The following LIMS1 variants were observed in gnomAD, a reference collection of about 807,000 sequenced individuals.
LIMS1 encodes the protein LIM zinc finger domain containing 1.
A neutral mutation model predicts 44.1 loss-of-function variants in LIMS1; 18 were observed. That is an observed-to-expected ratio of 0.41 (90% CI 0.28 to 0.61). The LOEUF (loss-of-function observed/expected upper bound fraction) is 0.61, where lower values mean the gene tolerates loss of function less well. Ranked by LOEUF, LIMS1 falls within the 20% of genes least tolerant of loss-of-function variation. The pLI is 0.32. For missense variants in LIMS1, 201 were observed against 422.0 expected, an observed-to-expected ratio of 0.48 and a Z score of 4.59; for synonymous variants, 93 against 149.1, an observed-to-expected ratio of 0.62 and a Z score of 2.74.
intron 1 of LIMS1, among the ~76,000 whole-genome samples, chr2:108,639,124 T>C (rs1236429856): frequency 1.3e-5 from 2 of 152,070 alleles, no homozygotes; most frequent in Non-Finnish European, 2.9e-5. Flanking sequence ...GAACACAACA[T>C]TATATCCAAT....
chr2:108,534,876 G>A (rs1684073057), intron 1 of LIMS1, among the ~76,000 whole-genome samples: 1 of 152,184 alleles, frequency 6.6e-6, no homozygotes, highest in Non-Finnish European at 1.5e-5. Flanking sequence ...AGTATTTGCC[G>A]AGCTAATCAT....
intron 8 of LIMS1, among the ~76,000 whole-genome samples, chr2:108,679,057 C>A (rs1191973591): frequency 1.3e-5 from 2 of 152,020 alleles, no homozygotes; most frequent in Non-Finnish European, 2.9e-5. Context: ...GTGGATTCAA[C>A]CAACTATGGA....
At chr2:108,558,352 G>A (rs1684996368) in intron 1 of LIMS1, among the ~76,000 whole-genome samples, 1 of 151,880 alleles carries the variant, frequency 6.6e-6, no homozygotes, top group Non-Finnish European at 1.5e-5. Context: ...CAAGTAGCTG[G>A]GACTACAGGT....
chr2:108,671,625 A>G (rs963652065), intron 3 of LIMS1, among the ~76,000 whole-genome samples: 6 of 152,198 alleles, frequency 3.9e-5, no homozygotes, highest in Admixed American at 1.3e-4. Context: ...GAAACTGGGT[A>G]GAATGTTCTA....
chr2:108,573,288 C>T (rs1254301027), intron 1 of LIMS1, among the ~76,000 whole-genome samples: 2 of 151,748 alleles, frequency 1.3e-5, no homozygotes, highest in Admixed American at 6.6e-5. Context: ...TCCTGCTTCT[C>T]CCGTTTTCTT....
At chr2:108,539,450 T>C (rs1277845912) in intron 1 of LIMS1, among the ~76,000 whole-genome samples, 1 of 152,250 alleles carries the variant, frequency 6.6e-6, no homozygotes, top group Admixed American at 6.5e-5. Context: ...GTCCATGTTC[T>C]AGTCCTAGTT....
intron 1 of LIMS1, among the ~76,000 whole-genome samples, chr2:108,598,872 A>AT (rs1376932473): frequency 6.6e-6 from 1 of 151,922 alleles, no homozygotes; most frequent in African/African-American, 2.4e-5. Flanking sequence ...TAGTAATGAT[A>AT]TTTTGTTTAA....
At chr2:108,680,540 TAAA>T (rs772500201) in intron 8 of LIMS1, among the ~76,000 whole-genome samples, 152 bp from the exon 9 acceptor site, 25 of 81,578 alleles carry the variant, frequency 3.1e-4, no homozygotes, top group African/African-American at 7.1e-4. Flanking sequence ...CTGTCTCATT[TAAA>T]AAAAAAAAAA....
intron 1 of LIMS1, among the ~76,000 whole-genome samples, chr2:108,642,339 TTTGTTTTTTTTTTTTTTTGTTTTTTG>T (rs1309624499): frequency 0.22 from 4,441 of 20,582 alleles, 417 homozygotes; most frequent in African/African-American, 0.34. Context: ...ACTAGTGTTT[TTTGTTTTTTTTTTTTTTTGTTTTTTG>T]TTTTTTTTTT....
chr2:108,679,638 C>T (rs1692813460), intron 8 of LIMS1, among the ~76,000 whole-genome samples: 1 of 151,912 alleles, frequency 6.6e-6, no homozygotes, highest in African/African-American at 2.4e-5. Context: ...GGTTGAGGGC[C>T]GGGTGTGGTG....
At chr2:108,543,464 G>A (rs978445597) in intron 1 of LIMS1, among the ~76,000 whole-genome samples, 6 of 152,134 alleles carry the variant, frequency 3.9e-5, no homozygotes, top group African/African-American at 1.4e-4. Context: ...TTTTGCCTAG[G>A]CCTTTCCTGG....
At chr2:108,671,888 T>C (rs1229045103) in intron 3 of LIMS1, among the ~76,000 whole-genome samples, 1 of 152,176 alleles carries the variant, frequency 6.6e-6, no homozygotes, top group African/African-American at 2.4e-5. Context: ...ACATAAAAAG[T>C]TCTTCTACTG....
chr2:108,613,809 G>A (rs1444346356), intron 1 of LIMS1, among the ~76,000 whole-genome samples: 2 of 152,070 alleles, frequency 1.3e-5, no homozygotes, highest in African/African-American at 4.8e-5. Context: ...CACAGGGTCA[G>A]GCCCTCTTGC....
chr2:108,668,829 T>C (rs1047125971), intron 2 of LIMS1, among the ~76,000 whole-genome samples: 1 of 152,266 alleles, frequency 6.6e-6, no homozygotes, highest in Admixed American at 6.5e-5. Context: ...ATCAGAAATA[T>C]ATCGTGCTTC....
intron 1 of LIMS1, among the ~76,000 whole-genome samples, chr2:108,554,392 T>A (rs1289999588): frequency 6.6e-6 from 1 of 152,188 alleles, no homozygotes; most frequent in African/African-American, 2.4e-5. Flanking sequence ...AGTGGTCACC[T>A]TCTCCCCCTG....
chr2:108,637,105 G>A (rs1338506028), intron 1 of LIMS1, among the ~76,000 whole-genome samples: 14 of 119,096 alleles, frequency 1.2e-4, no homozygotes, highest in African/African-American at 3.0e-4. Flanking sequence ...ATATATGTGT[G>A]TGTGTGTGTG....
chr2:108,652,576 A>C (rs971567161), intron 1 of LIMS1, among the ~76,000 whole-genome samples: 1 of 152,252 alleles, frequency 6.6e-6, no homozygotes, highest in Non-Finnish European at 1.5e-5. Context: ...ATGAAAGAGA[A>C]GTCTGTGGTG....
At chr2:108,641,652 CTTTAT>C (rs1052380974) in intron 1 of LIMS1, among the ~76,000 whole-genome samples, 2 of 152,098 alleles carry the variant, frequency 1.3e-5, no homozygotes, top group Admixed American at 1.3e-4. Context: ...GTGCTATTTT[CTTTAT>C]TTTAAACTAG....
intron 1 of LIMS1, among the ~76,000 whole-genome samples, chr2:108,658,775 A>G (rs1374804152): frequency 1.3e-5 from 2 of 152,310 alleles, no homozygotes; most frequent in African/African-American, 2.4e-5. Context: ...ACCTGGTGTC[A>G]CTTTCCTAAC....
Sources: allele counts gnomAD v4.1 joint callset (sites outside exome capture counted in the v4.1 genomes callset), GRCh38; gene constraint gnomAD v4.1.1; transcripts MANE v1.5; gene names NCBI Gene and HGNC (gene_info 2026-07-23, HGNC 2026-07-21).